The following C1orf167 variants were observed in gnomAD, a reference collection of about 807,000 sequenced individuals.
C1orf167 encodes the protein chromosome 1 open reading frame 167.
A neutral mutation model predicts 176.5 loss-of-function variants in C1orf167; 153 were observed. That is an observed-to-expected ratio of 0.87 (90% CI 0.76 to 0.99). The LOEUF is 0.99. Among genes scored for constraint, C1orf167 ranks in the 50% least tolerant of loss-of-function variants. The pLI is 0.00. For missense variants in C1orf167, 1,490 were observed against 1,817.7 expected, an observed-to-expected ratio of 0.82 and a Z score of 3.28; for synonymous variants, 594 against 752.7, an observed-to-expected ratio of 0.79 and a Z score of 3.45.
chr1:11,784,067 A>G, intron 14 of C1orf167, 107 bp from the exon 15 acceptor site: 1 of 1,040,268 alleles, frequency 9.6e-7, no homozygotes, highest in Non-Finnish European at 1.3e-6. Flanking sequence ...CACGTTGGTC[A>G]GGCTGGTCTC....
intron 16 of C1orf167, chr1:11,786,956 GAGGCCTCT>G (rs973292836): frequency 6.6e-6 from 1 of 152,514 alleles, no homozygotes; most frequent in Non-Finnish European, 1.5e-5. Context: ...TGGAGAAACT[GAGGCCTCT>G]AGAAACTAAA....
intron 14 of C1orf167, 76 bp downstream of exon 14, chr1:11,782,409 G>C: frequency 8.7e-7 from 1 of 1,146,620 alleles, no homozygotes; most frequent in Non-Finnish European, 1.1e-6. Flanking sequence ...CAGGGGGTGG[G>C]AAGCTCAGAC....
Position 11,789,462 on chromosome 1 carries a change from T to A in C1orf167, c.*16T>A, listed in dbSNP as rs1203967607. On this transcript the variant is annotated 3_prime_UTR_variant, in exon 21 of 21. Transcript: ENST00000688073. ...GCAGCTGTGACTTGTTCTCATAGAA[T>A]AAAAAACAGAACTGAACTTAGCCTT... 4.3e-5 allele frequency: 56 copies of A among 1,301,664 alleles called. No individual in the cohort carries two copies. The highest frequency in any genetic ancestry group is 5.4e-5 in the Non-Finnish European group (53 of 988,052). The allele number at this position is 1,301,664 out of a possible 1,614,324, so 80.6% of individuals were successfully genotyped here.
At chr1:11,765,472 C>T (rs900764706) in intron 2 of C1orf167, among the ~76,000 whole-genome samples, 1 of 152,068 alleles carries the variant, frequency 6.6e-6, no homozygotes, top group African/African-American at 2.4e-5. Flanking sequence ...AAGGAGTCCC[C>T]CTTGATTCTT....
chr1:11,785,084 G>A, intron 15 of C1orf167, 64 bp from the exon 16 acceptor site: 3 of 1,200,698 alleles, frequency 2.5e-6, no homozygotes, highest in Non-Finnish European at 3.2e-6. Flanking sequence ...GGGCACTGGG[G>A]GGGCTCCCTG....
chr1:11,782,529 G>A (rs931660396), intron 14 of C1orf167, among the ~76,000 whole-genome samples, 196 bp downstream of exon 14: 6 of 152,342 alleles, frequency 3.9e-5, no homozygotes, highest in African/African-American at 1.2e-4. Context: ...TATTTTGGGA[G>A]TGGTGGCAAA....
rs775229538 is a variant in C1orf167, at chr1:11,787,997, T to TGAGCCCA, written c.3804_3810dup (p.Cys1271GlnfsTer11). 1 of 1,303,676 alleles carries TGAGCCCA rather than the reference T, an allele frequency of 7.7e-7. No homozygotes were observed. The highest frequency in any genetic ancestry group is 1.0e-6 in the Non-Finnish European group (1 of 988,632). 80.8% of individuals were successfully genotyped at this position (1,303,676 alleles called of 1,614,324 possible). A position where few individuals can be genotyped will look rare whatever the true frequency, so the allele number is the denominator to read the frequency against. ...AGGGACCAAGAGCGCACTCCAGCCC[T>TGAGCCCA]GAGCCCAGAGCCTGCAAAGCCCAAA... is the stretch of plus-strand genomic sequence containing the variant. On this transcript the variant is annotated frameshift_variant, in exon 18 of 21. Coordinates refer to ENST00000688073, the MANE Select transcript of C1orf167 (RefSeq NM_001010881.2). LOFTEE classifies it high-confidence loss of function.
intron 13 of C1orf167, among the ~76,000 whole-genome samples, chr1:11,781,080 C>T (rs942847194): frequency 1.4e-4 from 20 of 143,556 alleles, no homozygotes; most frequent in Non-Finnish European, 2.7e-4. Context: ...TCACTGCAAC[C>T]TCCACCCCCT....
intron 2 of C1orf167, among the ~76,000 whole-genome samples, chr1:11,765,053 CAAAAAA>C (rs376686533): frequency 3.0e-5 from 2 of 67,464 alleles, no homozygotes; most frequent in African/African-American, 7.2e-5. Context: ...GACTCTGTCT[CAAAAAA>C]AAAAAAAAAA....
At chr1:11,785,320 C>A in intron 16 of C1orf167, 31 bp downstream of exon 16, 5 of 1,254,464 alleles carry the variant, frequency 4.0e-6, no homozygotes, top group Non-Finnish European at 5.2e-6. Flanking sequence ...TGACCTCACG[C>A]TCTGGCCCCG....
At position 11,782,100 on chromosome 1, in the gene C1orf167, G is replaced by A. The variant is rs1197401124; in HGVS notation, c.2861-89G>A. On this transcript the variant is annotated intron_variant, in intron 13 of 20. Coordinates refer to ENST00000688073, the MANE Select transcript of C1orf167 (RefSeq NM_001010881.2). ...GGGTGGCCTCCTCTGTTCCCACCTGGTAGGGGGCGAAGGGCTGGCTGCGTA... is the reference window on the plus strand; with the variant it reads ...GGGTGGCCTCCTCTGTTCCCACCTGATAGGGGGCGAAGGGCTGGCTGCGTA... 4.2e-5 allele frequency: 48 copies of A among 1,138,258 alleles called. No individual in the cohort carries two copies. The South Asian group carries it at 7.6e-4, about 18-fold the overall frequency. 70.5% of individuals were successfully genotyped at this position (1,138,258 alleles called of 1,614,324 possible).
rs920587006 is a variant in C1orf167 at position 11,766,295 on chromosome 1, G to A, written c.509G>A (p.Gly170Glu). The A allele has an allele frequency of 1.9e-5, 24 of 1,289,396 alleles. No homozygotes were observed. The highest frequency in any genetic ancestry group is 2.1e-4 in the Middle Eastern group (1 of 4,710). 79.9% of individuals were successfully genotyped at this position (1,289,396 alleles called of 1,614,324 possible). A position where few individuals can be genotyped will look rare whatever the true frequency, so the allele number is the denominator to read the frequency against. The change falls in exon 3 of 21, where the codon GGG (glycine) becomes GAG (glutamate). Residue 170 changes from glycine to glutamate, a missense_variant. By Grantham distance (98) the Gly-to-Glu change is moderately conservative. Transcript: ENST00000688073. This position sits in a 1 kb window ranked among gnomAD's most constrained non-coding sequence, Gnocchi z 4.5. ...CCATCTTCCTGCCTGAGGCAGTCCGGGCTGCCGGCCCCAGGCACCCCTAGC... is the reference window on the plus strand; with the variant it reads ...CCATCTTCCTGCCTGAGGCAGTCCGAGCTGCCGGCCCCAGGCACCCCTAGC... ...ARPSSCLRQS[G>E]LPAPGTPSGD... is the part of the protein sequence containing the mutation.
At chr1:11,763,229 C>T (rs1348992581) in intron 1 of C1orf167, among the ~76,000 whole-genome samples, 2 of 152,188 alleles carry the variant, frequency 1.3e-5, no homozygotes, top group Admixed American at 6.5e-5. Context: ...CACCTGAGGT[C>T]AGGAGTTCGA....
At chr1:11,764,076 A>C (rs4845875) in intron 1 of C1orf167, among the ~76,000 whole-genome samples, 92,138 of 151,908 alleles carry the variant, frequency 0.61, 28,993 homozygotes, top group East Asian at 0.89. Context: ...CTGCATGTTC[A>C]GACCTGTATG....
At chr1:11,781,924 A>AG (rs112069553) in intron 13 of C1orf167, among the ~76,000 whole-genome samples, 1 of 150,552 alleles carries the variant, frequency 6.6e-6, no homozygotes, top group African/African-American at 2.4e-5. Context: ...AAAAAAAAAA[A>AG]TAGAAAATTA....
Position 11,767,278 on chromosome 1 carries a change from T to C in C1orf167, c.1343+14T>C. 1 of 1,266,744 alleles carries C rather than the reference T, an allele frequency of 7.9e-7. No homozygotes were observed. The allele number at this position is 1,266,744 out of a possible 1,614,324, so 78.5% of individuals were successfully genotyped here. On this transcript the variant is annotated intron_variant, in intron 4 of 20. Coordinates refer to ENST00000688073, the MANE Select transcript of C1orf167 (RefSeq NM_001010881.2). ...TGAGGCAATCTGGTGAGGCCATGGC[T>C]GGGTGGGGACAGGGGTTGGAGTTGG...
chr1:11,772,135 C>G lies in C1orf167; in HGVS notation c.1864C>G (p.Leu622Val). ...ACGGGCCAGACAGGAGAGGGAGACTCTGCGGAAGGCCACCAGGGCCACACA... is the reference window on the plus strand; with the variant it reads ...ACGGGCCAGACAGGAGAGGGAGACTGTGCGGAAGGCCACCAGGGCCACACA... ...KKRARQERET[L>V]RKATRATQRT... The change falls in exon 8 of 21, where the codon CTG (leucine) becomes GTG (valine). Residue 622 changes from leucine (L) to valine (V), a missense_variant. Transcript: ENST00000688073. 7.7e-7 allele frequency: 1 copy of G among 1,304,326 alleles called. No individual in the cohort carries two copies. Among genetic ancestry groups the G allele is most frequent in the East Asian group, 5.5e-5 (1 of 18,030 alleles). 80.8% of individuals were successfully genotyped at this position (1,304,326 alleles called of 1,614,324 possible).
rs1248371341 is a variant in C1orf167 at position 11,768,949 on chromosome 1, C to T, written c.1543-24C>T. ...GAGGCAGATTCAAGGCCAACATCTC[C>T]TTTCCCCTTCTCTCTTGAGCCAGTG... is the stretch of plus-strand genomic sequence containing the variant. On this transcript the variant is annotated intron_variant, in intron 5 of 20. Transcript: ENST00000688073. This position sits in a 1 kb window ranked among gnomAD's most constrained non-coding sequence, Gnocchi z 4.5. The T allele has an allele frequency of 1.0e-6, 1 of 985,874 alleles. No individual in the cohort carries two copies. Among genetic ancestry groups the T allele is most frequent in the East Asian group, 1.1e-4 (1 of 8,828 alleles). The allele number at this position is 985,874 out of a possible 1,614,324, so 61.1% of individuals were successfully genotyped here.
intron 12 of C1orf167, chr1:11,779,378 T>C (rs10779766): frequency 0.93 from 190,507 of 204,618 alleles, 90,236 homozygotes; most frequent in South Asian, 1. Flanking sequence ...TTGCCCCTCA[T>C]TGGCTGTGTG....
Sources: gnomAD v4.1 joint callset for allele counts (sites outside exome capture counted in the v4.1 genomes callset) on GRCh38, gnomAD v4.1.1 for gene constraint, Gnocchi (gnomAD v3.1) non-coding constraint, MANE v1.5 for transcripts, NCBI Gene and HGNC (gene_info 2026-07-23, HGNC 2026-07-21) for gene names.